The following NSUN6 variants were observed in gnomAD, a reference collection of about 807,000 sequenced individuals.
NSUN6 encodes the protein NOP2/Sun RNA methyltransferase 6.
Under a neutral mutation model 58.0 loss-of-function variants are expected in NSUN6, and 64 were observed. The observed-to-expected ratio is 1.10, with a 90% CI of 0.90 to 1.36. The LOEUF is 1.36. NSUN6 is among the 40% of genes most tolerant of loss of function. The pLI is 0.00. For missense variants in NSUN6, 701 were observed against 550.1 expected (o/e 1.27, Z -2.74); for synonymous variants, 231 against 193.9 (o/e 1.19, Z -1.59).
At chr10:18,594,699 G>A (rs2057516065) in intron 7 of NSUN6, among the ~76,000 whole-genome samples, 2 of 152,132 alleles carry the variant, frequency 1.3e-5, no homozygotes, top group African/African-American at 2.4e-5. Context: ...TCCAATTGTG[G>A]CTCAAATATT....
intron 3 of NSUN6, among the ~76,000 whole-genome samples, chr10:18,634,241 G>C (rs1564832204): frequency 1.3e-5 from 2 of 152,058 alleles, no homozygotes; most frequent in Non-Finnish European, 2.9e-5. Context: ...AGGGATAAAA[G>C]AACAAGGCAA....
chr10:18,639,061 C>G (rs1564838815), intron 3 of NSUN6, among the ~76,000 whole-genome samples: 3 of 151,320 alleles, frequency 2.0e-5, no homozygotes, highest in African/African-American at 7.3e-5. Context: ...TTGAGACCAG[C>G]TTGGGCAACA....
intron 5 of NSUN6, 32 bp downstream of exon 5, chr10:18,614,428 T>C: frequency 1.5e-6 from 2 of 1,307,546 alleles, no homozygotes; most frequent in Non-Finnish European, 2.0e-6. Context: ...ACAAAAAGGA[T>C]GCTGATTTCC....
intron 6 of NSUN6, among the ~76,000 whole-genome samples, chr10:18,605,153 G>A (rs996551358): frequency 2.6e-5 from 4 of 151,006 alleles, no homozygotes; most frequent in Non-Finnish European, 5.9e-5. Flanking sequence ...CCAAAGTGCT[G>A]GGATTACAGG....
At chr10:18,632,762 G>A (rs1302696944) in intron 3 of NSUN6, among the ~76,000 whole-genome samples, 1 of 152,186 alleles carries the variant, frequency 6.6e-6, no homozygotes, top group Non-Finnish European at 1.5e-5. Flanking sequence ...AACAACAGGT[G>A]CTGGAGAGGA....
chr10:18,550,546 G>C (rs2054535494), intron 9 of NSUN6, among the ~76,000 whole-genome samples: 1 of 152,038 alleles, frequency 6.6e-6, no homozygotes, highest in Non-Finnish European at 1.5e-5. Flanking sequence ...AGTCATTTTT[G>C]AAAGACTAGG....
intron 2 of NSUN6, among the ~76,000 whole-genome samples, chr10:18,643,926 C>T (rs1259319121): frequency 1.3e-5 from 2 of 152,178 alleles, no homozygotes; most frequent in Non-Finnish European, 2.9e-5. Context: ...CACACATGTA[C>T]ATACCCTTCA....
chr10:18,595,182 T>C (rs1185176622), intron 7 of NSUN6, among the ~76,000 whole-genome samples: 1 of 152,136 alleles, frequency 6.6e-6, no homozygotes, highest in Non-Finnish European at 1.5e-5. Context: ...AGTACATGAG[T>C]GAGCCCAGCA....
intron 8 of NSUN6, among the ~76,000 whole-genome samples, chr10:18,570,259 C>T (rs1438024765): frequency 1.3e-5 from 2 of 150,936 alleles, no homozygotes; most frequent in African/African-American, 2.4e-5. Flanking sequence ...ATTCAATTCT[C>T]GATTCCATTC....
chr10:18,558,245 G>C (rs1021675888), intron 8 of NSUN6, among the ~76,000 whole-genome samples: 2 of 150,854 alleles, frequency 1.3e-5, no homozygotes, highest in Non-Finnish European at 3.0e-5. Flanking sequence ...GAGTAGTATG[G>C]AGTGCAATAG....
intron 3 of NSUN6, among the ~76,000 whole-genome samples, chr10:18,623,516 C>A (rs2058681804): frequency 6.6e-6 from 1 of 152,134 alleles, no homozygotes; most frequent in Non-Finnish European, 1.5e-5. Flanking sequence ...GAGGCTTAAT[C>A]AAACATTTAT....
chr10:18,548,699 A>G (rs1327934902), intron 9 of NSUN6, among the ~76,000 whole-genome samples: 1 of 152,122 alleles, frequency 6.6e-6, no homozygotes, highest in Non-Finnish European at 1.5e-5. Flanking sequence ...TTGGCCTCCC[A>G]AAGTGCTGGG....
chr10:18,615,273 T>C (rs141564116), intron 4 of NSUN6, among the ~76,000 whole-genome samples: 160 of 152,308 alleles, frequency 1.1e-3, no homozygotes, highest in African/African-American at 3.7e-3. Context: ...CTCAGTGTTA[T>C]TTATAATTGG....
At chr10:18,547,792 C>T (rs971466583) in intron 10 of NSUN6, among the ~76,000 whole-genome samples, 2 of 71,890 alleles carry the variant, frequency 2.8e-5, no homozygotes, top group Non-Finnish European at 6.4e-5. Context: ...AAATACAGGA[C>T]TGGGAAGGAG....
At chr10:18,565,875 GCA>G (rs2055890945) in intron 8 of NSUN6, among the ~76,000 whole-genome samples, 1 of 134,118 alleles carries the variant, frequency 7.5e-6, no homozygotes, top group Non-Finnish European at 1.6e-5. Flanking sequence ...AGTTCATTCT[GCA>G]TTCCATTCCA....
upstream of NSUN6, among the ~76,000 whole-genome samples, chr10:18,657,605 C>A (rs939864002): frequency 6.6e-6 from 1 of 151,774 alleles, no homozygotes; most frequent in Non-Finnish European, 1.5e-5. Flanking sequence ...TCTGCATTTT[C>A]TTTATTTTAT....
At chr10:18,575,787 C>T (rs746651100) in intron 8 of NSUN6, among the ~76,000 whole-genome samples, 9 of 152,154 alleles carry the variant, frequency 5.9e-5, no homozygotes, top group Admixed American at 3.9e-4. Context: ...ATTTACACTC[C>T]GCTGCTGATA....
intron 9 of NSUN6, among the ~76,000 whole-genome samples, chr10:18,550,655 G>C (rs2054540484): frequency 6.6e-6 from 1 of 151,682 alleles, no homozygotes; most frequent in African/African-American, 2.4e-5. Flanking sequence ...GCTGGCCACT[G>C]TCTCTTCCTG....
At chr10:18,624,469 A>T (rs1236818626) in intron 3 of NSUN6, among the ~76,000 whole-genome samples, 21 of 151,298 alleles carry the variant, frequency 1.4e-4, no homozygotes, top group Non-Finnish European at 3.1e-4. Context: ...AGGTCAGGAG[A>T]TTGAGACCAT....
Sources: gnomAD v4.1 joint callset for allele counts (sites outside exome capture counted in the v4.1 genomes callset) on GRCh38, gnomAD v4.1.1 for gene constraint, MANE v1.5 for transcripts, NCBI Gene and HGNC (gene_info 2026-07-23, HGNC 2026-07-21) for gene names.